The following CCL15 variants were observed in gnomAD, a reference collection of about 807,000 sequenced individuals.
CCL15 encodes C-C motif chemokine ligand 15, also known as C-C motif chemokine 15.
In CCL15, 8 loss-of-function variants were observed where a neutral mutation model predicts 10.6. That is an observed-to-expected ratio of 0.75 (90% confidence interval 0.44 to 1.36). The LOEUF (loss-of-function observed/expected upper bound fraction) is 1.36. CCL15 is among the 40% of genes most tolerant of loss of function. The pLI is 0.00. For missense variants in CCL15, 128 were observed against 136.6 expected, an observed-to-expected ratio of 0.94 and a Z score of 0.32; for synonymous variants, 51 against 48.8, an observed-to-expected ratio of 1.04 and a Z score of -0.19.
rs539296386 is a variant in CCL15, at chr17:35,998,467, C to G, written c.137-76G>C. On this transcript the variant is annotated intron_variant, in intron 2 of 3. Transcript: ENST00000617897. ...ACAGTGGAGGGTGAGAAGGCACAAG[C>G]CTCTGAAGACATGTTTCTCCTCCTC... 290 of 975,296 alleles carry G rather than the reference C, an allele frequency of 3.0e-4. 2 individuals are homozygous for G. Among genetic ancestry groups the G allele is most frequent in the South Asian group, 1.6e-3 (119 of 74,166 alleles). 60.4% of individuals were successfully genotyped at this position (975,296 alleles called of 1,614,324 possible).
chr17:35,998,598 C>A (rs370172809), intron 2 of CCL15, among the ~76,000 whole-genome samples: 1 of 152,232 alleles, frequency 6.6e-6, no homozygotes, highest in Non-Finnish European at 1.5e-5. Flanking sequence ...AAATTTCCCC[C>A]AGAAGGGGAA....
intron 1 of CCL15, among the ~76,000 whole-genome samples, chr17:35,999,843 C>T (rs1225143184): frequency 1.3e-5 from 2 of 151,978 alleles, no homozygotes; most frequent in African/African-American, 4.8e-5. Context: ...GGATTGCATA[C>T]CTGTATTATG....
chr17:35,999,761 G>T lies in CCL15; in HGVS notation c.77-836C>A, dbSNP rs76334469. The stretch of plus-strand genomic sequence containing the variant: ...TTATAGGTGAGCCACCATGCCTAGC[G>T]TGTATTACCTTTTAAAAACCAGAGA... On this transcript the variant is annotated intron_variant, in intron 1 of 3. Transcript: ENST00000617897. 5.3e-3 allele frequency among the ~76,000 whole-genome samples: 806 copies of T among 152,080 alleles called. 10 individuals carry two copies. Among genetic ancestry groups the T allele is most frequent in the African/African-American group, 0.018 (744 of 41,492 alleles).
At position 35,997,696 on chromosome 17, in the gene CCL15, A is replaced by T; in HGVS notation, c.*71T>A. 1 of 845,696 alleles carries T rather than the reference A, an allele frequency of 1.2e-6. No homozygotes were observed. The highest frequency in any genetic ancestry group is 2.0e-6 in the Non-Finnish European group (1 of 500,046). 52.4% of individuals were successfully genotyped at this position (845,696 alleles called of 1,614,324 possible). On this transcript the variant is annotated 3_prime_UTR_variant, in exon 4 of 4. Coordinates refer to ENST00000617897, the MANE Select transcript of CCL15 (RefSeq NM_032965.6). ...AGACACAACAATATATATATTTTTT[A>T]AGTATTTCAGACCAAGAAACTCACA... is the stretch of plus-strand genomic sequence containing the variant.
At chr17:35,999,723 C>T (rs1485131250) in intron 1 of CCL15, among the ~76,000 whole-genome samples, 4 of 152,048 alleles carry the variant, frequency 2.6e-5, no homozygotes, top group African/African-American at 9.7e-5. Flanking sequence ...CTCAGCCTCC[C>T]AAAGTGCTGG....
intron 3 of CCL15, 117 bp from the exon 4 acceptor site, chr17:35,997,977 C>T (rs2089937015): frequency 6.9e-6 from 5 of 727,410 alleles, no homozygotes; most frequent in Admixed American, 6.3e-5. Flanking sequence ...TTTCCTTTCT[C>T]TGCTGATGGC....
rs375475844 is a variant in CCL15, at chr17:35,997,812, C to T, written c.297G>A (p.Pro99=). The change falls in exon 4 of 4, where the codon CCG becomes CCA. Residue 99 remains proline, a synonymous_variant. Transcript: ENST00000617897. Reference sequence around the variant, plus strand: ...GCTTTTTCATGCAATCCTGAACTCCCGGACCACTGGGTTTGGCACAGACTT... The same window carrying T: ...GCTTTTTCATGCAATCCTGAACTCCTGGACCACTGGGTTTGGCACAGACTT... The part of the protein sequence containing the change: ...GRQVCAKPSG[P]GVQDCMKKLK... The T allele has an allele frequency of 4.2e-5, 67 of 1,613,850 alleles. No homozygotes were observed. The highest frequency in any genetic ancestry group is 5.3e-5 in the African/African-American group (4 of 74,858).
intron 1 of CCL15, among the ~76,000 whole-genome samples, chr17:36,000,784 G>A (rs1047570047): frequency 2.0e-5 from 3 of 151,766 alleles, no homozygotes; most frequent in Non-Finnish European, 2.9e-5. Flanking sequence ...CCCCAATAAA[G>A]GTTCTGGCAT....
intron 1 of CCL15, 65 bp downstream of exon 1, chr17:36,001,352 G>T (rs2089993077): frequency 1.7e-5 from 27 of 1,594,356 alleles, no homozygotes; most frequent in Non-Finnish European, 2.1e-5. Flanking sequence ...GTCACAACAT[G>T]TCTCCGTCCC....
rs1475415854 is a variant in CCL15 at position 35,998,401 on chromosome 17, G to A, written c.137-10C>T. The A allele has an allele frequency of 4.4e-6, 7 of 1,592,718 alleles. No individual in the cohort carries two copies. The South Asian group carries it at 4.4e-5, about 10-fold the overall frequency. Reference sequence around the variant, plus strand: ...GCAGCAAAGTGAAAGCCTGCAGCAAGAGAAAGCGTCATCTGAGGGCAAATC... The same window carrying A: ...GCAGCAAAGTGAAAGCCTGCAGCAAAAGAAAGCGTCATCTGAGGGCAAATC... On this transcript the variant is annotated splice_polypyrimidine_tract_variant and intron_variant, in intron 2 of 3. Coordinates refer to ENST00000617897, the MANE Select transcript of CCL15 (RefSeq NM_032965.6).
chr17:35,997,669 C>A lies in CCL15; in HGVS notation c.*98G>T. ...TTTATTAGATGCATTACTTTCATTACCAGACACAACAATATATATATTTTT... is the reference window on the plus strand; with the variant it reads ...TTTATTAGATGCATTACTTTCATTAACAGACACAACAATATATATATTTTT... On this transcript the variant is annotated 3_prime_UTR_variant, in exon 4 of 4. Transcript: ENST00000617897. The A allele has an allele frequency of 1.4e-6, 1 of 714,956 alleles. No homozygotes were observed. The allele number at this position is 714,956 out of a possible 1,614,324, so 44.3% of individuals were successfully genotyped here. A position where few individuals can be genotyped will look rare whatever the true frequency, so the allele number is the denominator to read the frequency against.
chr17:36,000,589 T>C (rs917335782), intron 1 of CCL15, among the ~76,000 whole-genome samples: 5 of 151,512 alleles, frequency 3.3e-5, no homozygotes, highest in Non-Finnish European at 5.9e-5. Flanking sequence ...CCTGAGCCCA[T>C]ATGCCCATCC....
intron 1 of CCL15, among the ~76,000 whole-genome samples, chr17:36,000,809 C>T (rs561322247): frequency 1.7e-4 from 26 of 151,706 alleles, no homozygotes; most frequent in East Asian, 3.9e-4. Context: ...TGTCCCTTCC[C>T]TCCTGTTTGT....
At chr17:35,999,664 A>T (rs1289608947) in intron 1 of CCL15, among the ~76,000 whole-genome samples, 1 of 151,856 alleles carries the variant, frequency 6.6e-6, no homozygotes, top group East Asian at 1.9e-4. Flanking sequence ...AGGTCTTGCT[A>T]TGATGCCCAG....
intron 1 of CCL15, among the ~76,000 whole-genome samples, chr17:36,000,013 T>G (rs985912627): frequency 8.0e-5 from 12 of 150,518 alleles, no homozygotes; most frequent in Admixed American, 8.0e-4. Context: ...TAGCCGGGCG[T>G]GGTGGCAGGC....
intron 1 of CCL15, among the ~76,000 whole-genome samples, chr17:35,999,726 A>G (rs1188654958): frequency 2.6e-5 from 4 of 152,098 alleles, no homozygotes; most frequent in Non-Finnish European, 5.9e-5. Context: ...AGCCTCCCAA[A>G]GTGCTGGGAT....
rs1257215270 is a variant in CCL15 at position 35,998,388 on chromosome 17, A to T, written c.140T>A (p.Phe47Tyr). 2 of 1,610,458 alleles carry T rather than the reference A, an allele frequency of 1.2e-6. No individual in the cohort carries two copies. The highest frequency in any genetic ancestry group is 2.2e-5 in the South Asian group (2 of 90,928). Residue 47 changes from phenylalanine (F) to tyrosine (Y), a missense_variant, in exon 3 of 4, where the codon TTT (phenylalanine) becomes TAT (tyrosine). By Grantham distance (22) the Phe-to-Tyr change is conservative. Coordinates refer to ENST00000617897, the MANE Select transcript of CCL15 (RefSeq NM_032965.6). ...PLENPVVLNSFHFAADCCTSY... is the reference protein window; with the variant it reads ...PLENPVVLNSYHFAADCCTSY... ...GGTGCAGCAGTCAGCAGCAAAGTGA[A>T]AGCCTGCAGCAAGAGAAAGCGTCAT...
At chr17:35,998,208 C>T (rs138395253) in intron 3 of CCL15, 72 bp downstream of exon 3, 17 of 976,544 alleles carry the variant, frequency 1.7e-5, no homozygotes, top group East Asian at 1.2e-4. Flanking sequence ...GACGCCCATC[C>T]GTCGTGTCCT....
At chr17:36,001,357 C>T (rs543642801) in intron 1 of CCL15, 60 bp downstream of exon 1, 59 of 1,601,940 alleles carry the variant, frequency 3.7e-5, no homozygotes, top group Admixed American at 6.7e-5. Flanking sequence ...AACATGTCTC[C>T]GTCCCAGAGC....
Sources: allele counts gnomAD v4.1 joint callset (sites outside exome capture counted in the v4.1 genomes callset), GRCh38; gene constraint gnomAD v4.1.1; transcripts MANE v1.5; gene names NCBI Gene and HGNC (gene_info 2026-07-23, HGNC 2026-07-21).